KYAT3: variants seen among roughly 807,000 people sequenced by gnomAD.
KYAT3 encodes kynurenine aminotransferase 3.
KYAT3 carries 50 observed loss-of-function variants against 59.0 expected under a neutral mutation model. The observed-to-expected ratio is 0.85, with a 90% CI of 0.68 to 1.07. The LOEUF is 1.07. Among genes scored for constraint, KYAT3 ranks in the 50% least tolerant of loss-of-function variants. The pLI, the probability that KYAT3 is intolerant of heterozygous loss-of-function variation, is 0.00. For missense variants in KYAT3, 497 were observed against 533.3 expected, an observed-to-expected ratio of 0.93 and a Z score of 0.67; for synonymous variants, 148 against 177.0, an observed-to-expected ratio of 0.84 and a Z score of 1.30.
At chr1:88,973,775 T>G (rs1482572296) in intron 2 of KYAT3, among the ~76,000 whole-genome samples, 2 of 152,168 alleles carry the variant, frequency 1.3e-5, no homozygotes, top group African/African-American at 4.8e-5. Context: ...TTAAAAAAGT[T>G]TGGACAGATC....
chr1:88,924,801 T>A, the KYAT3 span, among the ~76,000 whole-genome samples: 2 of 152,218 alleles, frequency 1.3e-5, no homozygotes, highest in African/African-American at 4.8e-5. Flanking sequence ...CATGGCTAAG[T>A]GCCCGGGTTC....
chr1:88,931,880 CAAAAAAAAAAA>C (rs57089214), downstream of KYAT3, among the ~76,000 whole-genome samples: 23 of 30,984 alleles, frequency 7.4e-4, no homozygotes, highest in African/African-American at 2.1e-3. Context: ...CCTGCAACTG[CAAAAAAAAAAA>C]AAAAAAAAAA....
At chr1:88,969,577 T>G in intron 2 of KYAT3, 110 bp from the exon 3 acceptor site, 1 of 640,678 alleles carries the variant, frequency 1.6e-6, no homozygotes, top group South Asian at 1.8e-5. Context: ...TAAATAGTAG[T>G]TCCATAAAGA....
intron 11 of KYAT3, among the ~76,000 whole-genome samples, chr1:88,947,547 C>A (rs1675491909): frequency 6.6e-6 from 1 of 152,140 alleles, no homozygotes; most frequent in East Asian, 1.9e-4. Flanking sequence ...CCAGGGATGT[C>A]TGGTCATGGG....
the KYAT3 span, among the ~76,000 whole-genome samples, chr1:88,929,068 C>T: frequency 2.8e-4 from 42 of 152,058 alleles, no homozygotes; most frequent in Admixed American, 1.0e-3. Flanking sequence ...ACAATATGGA[C>T]GAGCAAAGAA....
upstream of KYAT3, chr1:88,992,712 G>A (rs1008559150): frequency 6.6e-6 from 1 of 152,450 alleles, no homozygotes; most frequent in Non-Finnish European, 1.5e-5. Flanking sequence ...TGCACTCAGT[G>A]CGCGCTTTGG....
At chr1:88,927,598 C>T in the KYAT3 span, among the ~76,000 whole-genome samples, 1 of 151,996 alleles carries the variant, frequency 6.6e-6, no homozygotes, top group African/African-American at 2.4e-5. Flanking sequence ...CCCAAATGGT[C>T]CAAGAGGAGA....
At chr1:88,985,977 T>C (rs2101092951) in intron 2 of KYAT3, among the ~76,000 whole-genome samples, 1 of 151,666 alleles carries the variant, frequency 6.6e-6, no homozygotes, top group South Asian at 2.1e-4. Flanking sequence ...GCCCAGTAGT[T>C]TGAGACCAGC....
At chr1:88,979,704 A>G (rs1420544940) in intron 2 of KYAT3, 2 of 152,218 alleles carry the variant, frequency 1.3e-5, no homozygotes, top group Non-Finnish European at 2.9e-5. Flanking sequence ...TTGGAACTCT[A>G]TACAACCCTG....
the KYAT3 span, among the ~76,000 whole-genome samples, chr1:88,927,653 C>T: frequency 5.9e-5 from 9 of 152,044 alleles, no homozygotes; most frequent in African/African-American, 2.2e-4. Flanking sequence ...CAGTATTCCC[C>T]GATTATGCCC....
chr1:88,936,771 T>C (rs1675055119), intron 13 of KYAT3, among the ~76,000 whole-genome samples: 1 of 152,248 alleles, frequency 6.6e-6, no homozygotes, highest in Non-Finnish European at 1.5e-5. Context: ...TTCATACATA[T>C]AGCATAAAAT....
intron 10 of KYAT3, among the ~76,000 whole-genome samples, chr1:88,951,410 C>G (rs1432557277): frequency 6.6e-6 from 1 of 151,534 alleles, no homozygotes; most frequent in East Asian, 1.9e-4. Context: ...AATTTTTGTA[C>G]TTTTAGTAGA....
chr1:88,924,565 G>C, the KYAT3 span, among the ~76,000 whole-genome samples: 1 of 152,186 alleles, frequency 6.6e-6, no homozygotes, highest in African/African-American at 2.4e-5. Context: ...TCGTATGAGA[G>C]CTCTGTTTTC....
At chr1:88,973,484 G>T (rs1676637775) in intron 2 of KYAT3, among the ~76,000 whole-genome samples, 1 of 152,126 alleles carries the variant, frequency 6.6e-6, no homozygotes, top group Non-Finnish European at 1.5e-5. Context: ...AATCAACCTA[G>T]AATCCTACGG....
downstream of KYAT3, among the ~76,000 whole-genome samples, chr1:88,934,757 C>G (rs552670106): frequency 5.9e-5 from 9 of 152,012 alleles, no homozygotes; most frequent in Non-Finnish European, 8.8e-5. Context: ...TTTAAGGGAG[C>G]CGATAGAAAT....
At chr1:88,949,390 C>T in intron 10 of KYAT3, 113 bp from the exon 11 acceptor site, 1 of 702,620 alleles carries the variant, frequency 1.4e-6, no homozygotes. Context: ...GCAAAGAAGT[C>T]ACTCAGGAAA....
At chr1:88,952,536 C>T (rs1188879186) in intron 10 of KYAT3, among the ~76,000 whole-genome samples, 1 of 152,168 alleles carries the variant, frequency 6.6e-6, no homozygotes, top group Non-Finnish European at 1.5e-5. Flanking sequence ...CTCCCTCCTG[C>T]TCCAGCCCTG....
intron 13 of KYAT3, among the ~76,000 whole-genome samples, chr1:88,939,467 C>T (rs371393087): frequency 2.6e-5 from 4 of 152,262 alleles, no homozygotes; most frequent in African/African-American, 9.6e-5. Context: ...CCTCTTCTGG[C>T]CCCTCTGGAG....
chr1:88,934,819 G>GT (rs760845799), downstream of KYAT3, among the ~76,000 whole-genome samples: 65 of 152,160 alleles, frequency 4.3e-4, no homozygotes, highest in Non-Finnish European at 7.2e-4. Context: ...TTTCATGTGT[G>GT]TAAGTATCAC....
Sources: gnomAD v4.1 joint callset for allele counts (sites outside exome capture counted in the v4.1 genomes callset) on GRCh38, gnomAD v4.1.1 for gene constraint, MANE v1.5 for transcripts, NCBI Gene and HGNC (gene_info 2026-07-23, HGNC 2026-07-21) for gene names.